The following CARMIL1 variants were observed in gnomAD, a reference collection of about 807,000 sequenced individuals.
CARMIL1 encodes capping protein regulator and myosin 1 linker 1.
Under a neutral mutation model 177.1 loss-of-function variants are expected in CARMIL1, and 90 were observed. The observed-to-expected ratio is 0.51, with a 90% CI of 0.43 to 0.61. The LOEUF is 0.61. Among genes scored for constraint, CARMIL1 ranks in the 20% least tolerant of loss-of-function variants. CARMIL1 has a pLI of 0.00. For synonymous variants in CARMIL1, 577 were observed against 606.2 expected (o/e 0.95, Z 0.71); for missense variants, 1,380 against 1,667.0 (o/e 0.83, Z 3.00).
chr6:25,285,801 C>CT (rs1463813665), intron 2 of CARMIL1, among the ~76,000 whole-genome samples: 2 of 150,192 alleles, frequency 1.3e-5, no homozygotes, highest in African/African-American at 5.0e-5. Flanking sequence ...TTTGTTGTTG[C>CT]TGTTTTTTTT....
chr6:25,581,095 A>C, intron 30 of CARMIL1, 105 bp downstream of exon 30: 1 of 1,281,754 alleles, frequency 7.8e-7, no homozygotes, highest in Non-Finnish European at 1.1e-6. Flanking sequence ...CTACATGGGT[A>C]AATATTGAGA....
intron 28 of CARMIL1, among the ~76,000 whole-genome samples, chr6:25,556,236 C>G (rs900573640): frequency 2.0e-5 from 3 of 151,944 alleles, no homozygotes; most frequent in African/African-American, 7.3e-5. Context: ...TTTATGTTTA[C>G]CTAAAGTATA....
intron 2 of CARMIL1, among the ~76,000 whole-genome samples, chr6:25,399,760 T>C (rs1793731643): frequency 6.6e-6 from 1 of 152,162 alleles, no homozygotes; most frequent in Non-Finnish European, 1.5e-5. Context: ...GCTTTACTGA[T>C]ATGTTAAGGG....
chr6:25,614,683 G>C (rs929396139), intron 36 of CARMIL1, among the ~76,000 whole-genome samples: 2 of 152,116 alleles, frequency 1.3e-5, no homozygotes, highest in African/African-American at 4.8e-5. Flanking sequence ...TATTAACAAA[G>C]CATCATTAAT....
intron 2 of CARMIL1, among the ~76,000 whole-genome samples, chr6:25,366,952 T>A (rs1789882279): frequency 6.6e-6 from 1 of 152,258 alleles, no homozygotes; most frequent in Admixed American, 6.5e-5. Flanking sequence ...TGTACTATTC[T>A]AGAAATGTTT....
intron 8 of CARMIL1, among the ~76,000 whole-genome samples, chr6:25,462,304 TC>T (rs1020990905): frequency 3.9e-5 from 6 of 152,192 alleles, no homozygotes; most frequent in African/African-American, 1.4e-4. Flanking sequence ...TCCCACTCCC[TC>T]ATCTCTGAGG....
intron 31 of CARMIL1, among the ~76,000 whole-genome samples, chr6:25,590,228 T>C (rs1366616329): frequency 6.6e-6 from 1 of 152,236 alleles, no homozygotes; most frequent in Admixed American, 6.5e-5. Context: ...GAATGAATGG[T>C]AGTTTGATTC....
intron 36 of CARMIL1, among the ~76,000 whole-genome samples, chr6:25,615,664 T>C (rs1042985595): frequency 3.3e-5 from 5 of 152,332 alleles, no homozygotes; most frequent in Middle Eastern, 3.4e-3. Context: ...GCTCTACTTT[T>C]TCCACCAGAC....
intron 26 of CARMIL1, among the ~76,000 whole-genome samples, chr6:25,547,622 G>A (rs1339296874): frequency 6.6e-5 from 10 of 152,094 alleles, no homozygotes; most frequent in Non-Finnish European, 1.2e-4. Flanking sequence ...AGTGTGCCAG[G>A]CCCTGGGGAT....
At chr6:25,341,729 C>T (rs1205122566) in intron 2 of CARMIL1, among the ~76,000 whole-genome samples, 1 of 152,176 alleles carries the variant, frequency 6.6e-6, no homozygotes, top group East Asian at 1.9e-4. Context: ...ACAACAGCAA[C>T]AACAACAGAA....
rs753157560 is a variant in CARMIL1 at position 25,594,462 on chromosome 6, C to G, written c.3054C>G (p.Leu1018=). Residue 1018 remains leucine, a synonymous_variant, in exon 32 of 37, where the codon CTC becomes CTG. Transcript: ENST00000329474. ...IVSQDGEQNG[L]MGRVDEGVDE... ...CACAAGATGGTGAACAGAATGGTCT[C>G]ATGGGGAGAGTGGATGAAGGTGTAG... The G allele has an allele frequency of 6.2e-7, 1 of 1,613,552 alleles. No homozygotes were observed. The highest frequency in any genetic ancestry group is 8.5e-7 in the Non-Finnish European group (1 of 1,179,668).
At chr6:25,356,089 C>T (rs1262740347) in intron 2 of CARMIL1, among the ~76,000 whole-genome samples, 5 of 147,854 alleles carry the variant, frequency 3.4e-5, no homozygotes, top group African/African-American at 1.0e-4. Flanking sequence ...TTCGCTCTGT[C>T]GCCCAGGCCG....
Position 25,469,532 on chromosome 6 carries a change from T to TTG in CARMIL1, c.691-1621_691-1620dup, listed in dbSNP as rs35568793. On this transcript the variant is annotated intron_variant, in intron 9 of 36. Coordinates refer to ENST00000329474, the MANE Select transcript of CARMIL1 (RefSeq NM_017640.6). The stretch of plus-strand genomic sequence containing the variant: ...TTGCAAGGAGAATTTTAAAATCACT[T>TTG]TGTGTGTGTGTGTGTGTATGTGTAT... Among the ~76,000 whole-genome samples, 495 of 151,052 alleles carry TTG rather than the reference T, an allele frequency of 3.3e-3. 4 individuals are homozygous for TTG. Among genetic ancestry groups the TTG allele is most frequent in the Middle Eastern group, 0.028 (8 of 290 alleles).
At chr6:25,296,930 TATC>T (rs1244982984) in intron 2 of CARMIL1, among the ~76,000 whole-genome samples, 1,170 of 43,296 alleles carry the variant, frequency 0.027, 15 homozygotes, top group Non-Finnish European at 0.03. Context: ...TCTATCTATC[TATC>T]TTTAACTAAC....
chr6:25,306,224 G>T (rs1020322328), intron 2 of CARMIL1, among the ~76,000 whole-genome samples: 1 of 152,064 alleles, frequency 6.6e-6, no homozygotes, highest in Non-Finnish European at 1.5e-5. Context: ...TCATTTAGCA[G>T]AAGGGTCCCC....
At chr6:25,588,277 C>A (rs886574929) in intron 31 of CARMIL1, among the ~76,000 whole-genome samples, 4 of 152,130 alleles carry the variant, frequency 2.6e-5, no homozygotes, top group African/African-American at 9.7e-5. Context: ...ATGAGATAAA[C>A]CTTTACTATG....
intron 1 of CARMIL1, among the ~76,000 whole-genome samples, chr6:25,284,292 T>C (rs999752432): frequency 1.3e-5 from 2 of 152,260 alleles, no homozygotes; most frequent in African/African-American, 4.8e-5. Flanking sequence ...ATGCCTTGCA[T>C]GGGCTGGTAT....
chr6:25,553,546 A>T (rs1033020807), intron 27 of CARMIL1, among the ~76,000 whole-genome samples: 8 of 152,358 alleles, frequency 5.3e-5, no homozygotes, highest in African/African-American at 1.9e-4. Flanking sequence ...AGACGCAGTT[A>T]TGGTATCATT....
Position 25,326,658 on chromosome 6 carries a change from C to T in CARMIL1, c.138+41749C>T, listed in dbSNP as rs573065574. On this transcript the variant is annotated intron_variant, in intron 2 of 36. Transcript: ENST00000329474. This position sits in a 1 kb window ranked among gnomAD's most constrained non-coding sequence, Gnocchi z 4.2. ...ACTCAGCAATCTGCTTTAACAAGTC[C>T]TTTGGATGATCTGATATACAGAAAA... Among the ~76,000 whole-genome samples, 1 of 152,200 alleles carries T rather than the reference C, an allele frequency of 6.6e-6. No individual in the cohort carries two copies. Among genetic ancestry groups the T allele is most frequent in the South Asian group, 2.1e-4 (1 of 4,820 alleles).
Sources: allele counts gnomAD v4.1 joint callset (sites outside exome capture counted in the v4.1 genomes callset), GRCh38; gene constraint gnomAD v4.1.1; non-coding constraint Gnocchi (gnomAD v3.1); transcripts MANE v1.5; gene names NCBI Gene and HGNC (gene_info 2026-07-23, HGNC 2026-07-21).